STRADB: variants seen among roughly 807,000 people sequenced by gnomAD.
STRADB encodes the protein STE20 related adaptor beta, also known as STE20-related kinase adapter protein beta.
Under a neutral mutation model 52.1 loss-of-function variants are expected in STRADB, and 34 were observed. The observed-to-expected ratio is 0.65, with a 90% CI of 0.50 to 0.87. The LOEUF is 0.87. Among genes scored for constraint, STRADB ranks in the 40% least tolerant of loss-of-function variants. The pLI is 0.00. For missense variants in STRADB, 340 were observed against 483.9 expected (o/e 0.70, Z 2.79); for synonymous variants, 133 against 174.5 (o/e 0.76, Z 1.87).
Position 201,477,805 on chromosome 2 carries a change from T to C in STRADB, c.720+15T>C. ...TACTGAGACAGGTCAGGTGTGGCCG[T>C]TGGATTGGGTTGTCTGTGTCTCAAG... On this transcript the variant is annotated intron_variant, in intron 8 of 11. Transcript: ENST00000194530. 1 of 1,602,052 alleles carries C rather than the reference T, an allele frequency of 6.2e-7. No homozygotes were observed. Among genetic ancestry groups the C allele is most frequent in the Non-Finnish European group, 8.5e-7 (1 of 1,172,854 alleles).
At position 201,480,069 on chromosome 2, in the gene STRADB, T is replaced by C. The variant is rs1358901498; in HGVS notation, c.1151T>C (p.Leu384Ser). 1 of 1,613,806 alleles carries C rather than the reference T, an allele frequency of 6.2e-7. No homozygotes were observed. Among genetic ancestry groups the C allele is most frequent in the African/African-American group, 1.3e-5 (1 of 74,930 alleles). ...AGCCAGGATTCAATACTTTCACTGT[T>C]GCCTCCTGCTTATAACAAGCCATCA... ...EESQDSILSL[L>S]PPAYNKPSIS... The change falls in exon 12 of 12, where the codon TTG becomes TCG. Residue 384 changes from leucine to serine, a missense_variant. Transcript: ENST00000194530.
chr2:201,462,840 G>A (rs1377442082), intron 3 of STRADB, among the ~76,000 whole-genome samples: 1 of 152,122 alleles, frequency 6.6e-6, no homozygotes, highest in Non-Finnish European at 1.5e-5. Flanking sequence ...ATAATAGTCT[G>A]TTTTTATCTG....
chr2:201,463,222 G>A (rs1433320628), intron 3 of STRADB, among the ~76,000 whole-genome samples: 6 of 150,954 alleles, frequency 4.0e-5, no homozygotes, highest in Non-Finnish European at 7.4e-5. Flanking sequence ...CTGTAATCCC[G>A]CCTACTTGGG....
intron 3 of STRADB, among the ~76,000 whole-genome samples, chr2:201,462,762 A>G (rs1380642437): frequency 1.3e-5 from 2 of 152,170 alleles, no homozygotes; most frequent in Non-Finnish European, 2.9e-5. Flanking sequence ...TATTGCAGTT[A>G]TCATTTGTTC....
In STRADB at chr2:201,480,052, T is replaced by G. The variant is rs1441036417; in HGVS notation, c.1134T>G (p.Asp378Glu). 1 of 1,613,760 alleles carries G rather than the reference T, an allele frequency of 6.2e-7. No individual in the cohort carries two copies. Among genetic ancestry groups the G allele is most frequent in the Non-Finnish European group, 8.5e-7 (1 of 1,179,816 alleles). ...AACAGATGAAAGAAGAAAGCCAGGA[T>G]TCAATACTTTCACTGTTGCCTCCTG... ...FFKQMKEESQ[D>E]SILSLLPPAY... is the part of the protein sequence containing the mutation. Residue 378 changes from aspartate (D) to glutamate (E), a missense_variant, in exon 12 of 12, where the codon GAT becomes GAG. Transcript: ENST00000194530.
At chr2:201,466,609 TGTTTGGAGGACA>T (rs1329854382) in intron 3 of STRADB, among the ~76,000 whole-genome samples, 3 of 152,234 alleles carry the variant, frequency 2.0e-5, no homozygotes, top group Admixed American at 6.5e-5. Flanking sequence ...TAAAATATCA[TGTTTGGAGGACA>T]GTCTGGTTTT....
At chr2:201,468,332 T>C (rs1260466477) in intron 3 of STRADB, among the ~76,000 whole-genome samples, 3 of 152,162 alleles carry the variant, frequency 2.0e-5, no homozygotes, top group African/African-American at 7.2e-5. Flanking sequence ...GTGATTACCA[T>C]GTGGCTTTTT....
Position 201,477,723 on chromosome 2 carries a change from C to T in STRADB, c.653C>T (p.Ala218Val). 4.3e-6 allele frequency: 7 copies of T among 1,613,798 alleles called. No homozygotes were observed. The highest frequency in any genetic ancestry group is 5.1e-6 in the Non-Finnish European group (6 of 1,179,702). ...GTTAAGCATGGACAGAGGCATAGGG[C>T]TGTGTATGATTTCCCACAGTTCAGC... ...SLVKHGQRHRAVYDFPQFSTS... is the reference protein window; with the variant it reads ...SLVKHGQRHRVVYDFPQFSTS... The change falls in exon 8 of 12, where the codon GCT becomes GTT. Residue 218 changes from alanine to valine, a missense_variant. By Grantham distance (64) the Ala-to-Val change is moderately conservative. Transcript: ENST00000194530.
intron 5 of STRADB, among the ~76,000 whole-genome samples, 158 bp downstream of exon 5, chr2:201,473,234 A>C (rs1952419130): frequency 6.6e-6 from 1 of 152,206 alleles, no homozygotes; most frequent in Non-Finnish European, 1.5e-5. Context: ...TTTACATAGC[A>C]TTTACATTGT....
At chr2:201,467,207 A>C (rs1395884554) in intron 3 of STRADB, among the ~76,000 whole-genome samples, 1 of 152,258 alleles carries the variant, frequency 6.6e-6, no homozygotes, top group Non-Finnish European at 1.5e-5. Context: ...AAACCAAATC[A>C]TAATTAGAAG....
intron 8 of STRADB, 42 bp downstream of exon 8, chr2:201,477,832 G>A: frequency 6.3e-7 from 1 of 1,597,562 alleles, no homozygotes; most frequent in Non-Finnish European, 8.6e-7. Context: ...TGTCTCAAGT[G>A]TCTTCTGAGT....
chr2:201,465,977 T>C (rs1952296755), intron 3 of STRADB, among the ~76,000 whole-genome samples: 1 of 152,204 alleles, frequency 6.6e-6, no homozygotes, highest in Non-Finnish European at 1.5e-5. Flanking sequence ...CAAGACTGTC[T>C]TTCCTACCCT....
chr2:201,479,758 A>G (rs1952541016), intron 11 of STRADB, among the ~76,000 whole-genome samples: 1 of 152,160 alleles, frequency 6.6e-6, no homozygotes, highest in Non-Finnish European at 1.5e-5. Flanking sequence ...CTATCATCAC[A>G]TTACTGATGC....
intron 3 of STRADB, among the ~76,000 whole-genome samples, chr2:201,466,431 A>T (rs1438978030): frequency 6.6e-6 from 1 of 152,190 alleles, no homozygotes; most frequent in East Asian, 1.9e-4. Flanking sequence ...ATGAATTGGA[A>T]AAGTTGTATA....
chr2:201,460,958 A>G lies in STRADB; in HGVS notation c.93+2094A>G, dbSNP rs144120888. On this transcript the variant is annotated intron_variant, in intron 3 of 11. Coordinates refer to ENST00000194530, the MANE Select transcript of STRADB (RefSeq NM_018571.6). ...TTGAGGAACCTCCATACTGTTCTCT[A>G]TAGTGGTTGTACTAATTTGCATCAT... Among the ~76,000 whole-genome samples the G allele has an allele frequency of 1.6e-3, 207 of 132,392 alleles. 4 individuals are homozygous for G. The East Asian group carries it at 0.041, about 26-fold the overall frequency. 86.9% of individuals were successfully genotyped at this position (132,392 alleles called of 152,430 possible). A position where few individuals can be genotyped will look rare whatever the true frequency, so the allele number is the denominator to read the frequency against.
intron 8 of STRADB, 107 bp downstream of exon 8, chr2:201,477,897 A>AG (rs1952504734): frequency 7.3e-6 from 10 of 1,369,480 alleles, no homozygotes; most frequent in Non-Finnish European, 1.0e-5. Flanking sequence ...GCCTTCTGCA[A>AG]GACTTTATTT....
chr2:201,453,241 A>G (rs563394712), intron 1 of STRADB, among the ~76,000 whole-genome samples: 5 of 152,234 alleles, frequency 3.3e-5, no homozygotes, highest in Non-Finnish European at 5.9e-5. Flanking sequence ...AAAATAGACA[A>G]CGTAATGGAG....
At chr2:201,463,031 C>T (rs1263716978) in intron 3 of STRADB, among the ~76,000 whole-genome samples, 1 of 152,168 alleles carries the variant, frequency 6.6e-6, no homozygotes, top group Non-Finnish European at 1.5e-5. Flanking sequence ...AGGATATTTT[C>T]ACTGGATAAA....
intron 2 of STRADB, among the ~76,000 whole-genome samples, chr2:201,458,152 CTGAT>C (rs1952156013): frequency 6.6e-6 from 1 of 152,170 alleles, no homozygotes; most frequent in Non-Finnish European, 1.5e-5. Context: ...CTTCACCCCA[CTGAT>C]TGATGATGTG....
Sources: allele counts gnomAD v4.1 joint callset (sites outside exome capture counted in the v4.1 genomes callset), GRCh38; gene constraint gnomAD v4.1.1; transcripts MANE v1.5; gene names NCBI Gene and HGNC (gene_info 2026-07-23, HGNC 2026-07-21).